Variants in ASTN2 observed in about 807,000 individuals in gnomAD.
The protein encoded by ASTN2 is astrotactin 2.
In ASTN2, 54 loss-of-function variants were observed where a neutral mutation model predicts 139.8. The observed-to-expected ratio is 0.39, with a 90% confidence interval of 0.31 to 0.48. ASTN2 has a LOEUF of 0.48. Ranked by LOEUF, ASTN2 falls within the 20% of genes least tolerant of loss-of-function variation. The pLI, the probability that ASTN2 is intolerant of heterozygous loss-of-function variation, is 0.95. For missense variants in ASTN2, 1,565 were observed against 1,725.1 expected, an observed-to-expected ratio of 0.91 and a Z score of 1.64; for synonymous variants, 756 against 719.5, an observed-to-expected ratio of 1.05 and a Z score of -0.81.
At chr9:117,109,257 GGGCGACAGAGGGAGACTCT>G (rs1163919985) in intron 4 of ASTN2, among the ~76,000 whole-genome samples, 1 of 151,848 alleles carries the variant, frequency 6.6e-6, no homozygotes, top group Non-Finnish European at 1.5e-5. Context: ...ACTCCAGCCT[GGGCGACAGAGGGAGACTCT>G]GTCTCAAAAA....
At chr9:117,297,720 A>G (rs1834771310) in intron 1 of ASTN2, among the ~76,000 whole-genome samples, 5 of 152,348 alleles carry the variant, frequency 3.3e-5, no homozygotes, top group Non-Finnish European at 7.3e-5. Flanking sequence ...TAAAAATGCC[A>G]TAGCTGTAGG....
At chr9:116,438,673 G>A (rs1038079883) in intron 22 of ASTN2, among the ~76,000 whole-genome samples, 6 of 152,166 alleles carry the variant, frequency 3.9e-5, no homozygotes, top group African/African-American at 1.2e-4. Flanking sequence ...TGGGCCGGGC[G>A]GTGGCTCACG....
intron 11 of ASTN2, among the ~76,000 whole-genome samples, chr9:116,847,308 G>A (rs536625019): frequency 6.6e-5 from 10 of 152,186 alleles, no homozygotes; most frequent in East Asian, 5.8e-4. Flanking sequence ...TAGAGACGGC[G>A]TTTCACTATG....
intron 16 of ASTN2, among the ~76,000 whole-genome samples, chr9:116,673,857 A>G (rs547031833): frequency 1.3e-5 from 2 of 152,180 alleles, no homozygotes; most frequent in Non-Finnish European, 2.9e-5. Context: ...CTGCAACCTT[A>G]GCAAACTGAT....
intron 16 of ASTN2, among the ~76,000 whole-genome samples, chr9:116,680,172 T>TA (rs1332063557): frequency 1.3e-5 from 2 of 151,842 alleles, no homozygotes; most frequent in Non-Finnish European, 2.9e-5. Flanking sequence ...ATAGACGCAA[T>TA]AAAAAATGAT....
intron 1 of ASTN2, among the ~76,000 whole-genome samples, chr9:117,361,105 C>T (rs1303709136): frequency 1.3e-5 from 2 of 152,182 alleles, no homozygotes; most frequent in Admixed American, 6.5e-5. Flanking sequence ...GATTTGGCTC[C>T]AACATTCTAC....
chr9:116,819,699 T>G (rs1034704661), intron 12 of ASTN2, among the ~76,000 whole-genome samples: 64 of 152,212 alleles, frequency 4.2e-4, no homozygotes, highest in African/African-American at 1.5e-3. Flanking sequence ...AGTACAAGAT[T>G]ATTTTTCTGA....
At chr9:117,042,988 A>G (rs983088785) in intron 5 of ASTN2, among the ~76,000 whole-genome samples, 14 of 152,124 alleles carry the variant, frequency 9.2e-5, no homozygotes, top group Non-Finnish European at 1.8e-4. Flanking sequence ...CTCCTGCCTC[A>G]GCCTCCCAAG....
chr9:117,279,916 C>T (rs1834285173), intron 2 of ASTN2, among the ~76,000 whole-genome samples: 1 of 152,194 alleles, frequency 6.6e-6, no homozygotes, highest in African/African-American at 2.4e-5. Flanking sequence ...GCCTTCTCTT[C>T]CATGTGTCTC....
chr9:116,759,362 T>C (rs1047425238), intron 13 of ASTN2, among the ~76,000 whole-genome samples: 2 of 152,226 alleles, frequency 1.3e-5, no homozygotes, highest in African/African-American at 2.4e-5. Flanking sequence ...AAACATTTTC[T>C]ACCTTAAGTC....
chr9:117,167,386 G>T (rs926343477), intron 3 of ASTN2, among the ~76,000 whole-genome samples: 5 of 151,960 alleles, frequency 3.3e-5, no homozygotes, highest in African/African-American at 1.2e-4. Context: ...CTTTTTAGTG[G>T]TCAGGAGATT....
chr9:117,134,168 G>A (rs1411239522), intron 4 of ASTN2, among the ~76,000 whole-genome samples: 19 of 151,418 alleles, frequency 1.3e-4, no homozygotes, highest in Non-Finnish European at 2.9e-5. Context: ...CAATATTTAA[G>A]CAGAGCAACG....
At chr9:117,144,030 A>C (rs1373136149) in intron 3 of ASTN2, among the ~76,000 whole-genome samples, 1 of 152,142 alleles carries the variant, frequency 6.6e-6, no homozygotes, top group Non-Finnish European at 1.5e-5. Context: ...GGGTTTTAGC[A>C]GGTAATTAAG....
intron 20 of ASTN2, among the ~76,000 whole-genome samples, chr9:116,474,815 G>C (rs1588092867): frequency 1.3e-5 from 2 of 152,326 alleles, no homozygotes; most frequent in East Asian, 3.9e-4. Context: ...CAGGTGGATG[G>C]ACAGCAAAGC....
intron 10 of ASTN2, among the ~76,000 whole-genome samples, chr9:116,929,342 A>C (rs1834838800): frequency 6.6e-6 from 1 of 152,186 alleles, no homozygotes; most frequent in Admixed American, 6.5e-5. Context: ...CTGGAATCCT[A>C]AGTCAGGCCT....
intron 13 of ASTN2, among the ~76,000 whole-genome samples, chr9:116,757,106 G>A (rs961991650): frequency 6.6e-6 from 1 of 152,090 alleles, no homozygotes; most frequent in Non-Finnish European, 1.5e-5. Context: ...TTTCCTCAGG[G>A]CAGCTCCTAG....
chr9:117,240,405 T>C (rs1452529231), intron 2 of ASTN2, among the ~76,000 whole-genome samples: 1 of 152,182 alleles, frequency 6.6e-6, no homozygotes. Flanking sequence ...TGAATAGGAT[T>C]CTTCCAGGAT....
rs993527835 is a variant in ASTN2 at position 116,600,268 on chromosome 9, G to A, written c.3355+18056C>T. Among the ~76,000 whole-genome samples the A allele has an allele frequency of 8.6e-4, 128 of 148,254 alleles. 1 individual carries two copies. Among genetic ancestry groups the A allele is most frequent in the Non-Finnish European group, 1.5e-4 (10 of 67,602 alleles). The stretch of plus-strand genomic sequence containing the variant: ...GAGCCCGGGAGATAGAGGCTACAGC[G>A]AGGTGTGATTGGGCCCCTGCACTCC... On this transcript the variant is annotated intron_variant, in intron 19 of 22. Coordinates refer to ENST00000313400, the MANE Select transcript of ASTN2 (RefSeq NM_001365068.1).
intron 1 of ASTN2, among the ~76,000 whole-genome samples, chr9:117,396,046 TAAG>T (rs1830668038): frequency 6.6e-6 from 1 of 152,088 alleles, no homozygotes; most frequent in African/African-American, 2.4e-5. Context: ...GGTGCCTCCC[TAAG>T]AAGGCCACCC....
Sources: allele counts gnomAD v4.1 joint callset (sites outside exome capture counted in the v4.1 genomes callset), GRCh38; gene constraint gnomAD v4.1.1; transcripts MANE v1.5; gene names NCBI Gene and HGNC (gene_info 2026-07-23, HGNC 2026-07-21).